ZNRF3: variants seen among roughly 807,000 people sequenced by gnomAD.
ZNRF3 encodes E3 ubiquitin-protein ligase ZNRF3.
Under a neutral mutation model 72.5 loss-of-function variants are expected in ZNRF3, and 23 were observed. That is an observed-to-expected ratio of 0.32 (90% CI 0.23 to 0.45). The LOEUF is 0.45. ZNRF3 is among the 20% of genes least tolerant of loss of function. The pLI, the probability that ZNRF3 is intolerant of heterozygous loss-of-function variation, is 1.00. For missense variants in ZNRF3, 1,169 were observed against 1,272.1 expected, an observed-to-expected ratio of 0.92 and a Z score of 1.23; for synonymous variants, 610 against 545.3, an observed-to-expected ratio of 1.12 and a Z score of -1.65.
chr22:29,021,839 T>G (rs2036547124), intron 2 of ZNRF3, among the ~76,000 whole-genome samples: 1 of 152,116 alleles, frequency 6.6e-6, no homozygotes, highest in African/African-American at 2.4e-5. Context: ...CAGCACATAT[T>G]TAAAGTGCAC....
At chr22:28,968,716 A>G (rs555636386) in intron 1 of ZNRF3, among the ~76,000 whole-genome samples, 6 of 152,346 alleles carry the variant, frequency 3.9e-5, no homozygotes, top group East Asian at 1.9e-4. Context: ...TCTCCAAAAA[A>G]ATAAAGTCAT....
chr22:28,910,558 T>A (rs2034297125), intron 1 of ZNRF3, among the ~76,000 whole-genome samples: 1 of 152,198 alleles, frequency 6.6e-6, no homozygotes, highest in South Asian at 2.1e-4. Flanking sequence ...TAATGTCCTC[T>A]TATTTTCTGG....
rs1227179722 is a variant in ZNRF3 at position 29,046,745 on chromosome 22, T to G, written c.774T>G (p.Ala258=). The change falls in exon 6 of 9, where the codon GCT becomes GCG. Residue 258 remains alanine, a synonymous_variant. Transcript: ENST00000544604. Reference sequence around the variant, plus strand: ...CCATGAACAGGCTGGCTGTGCAGGCTCTAGAGAAGATGGAAACCAGAAAGT... The same window carrying G: ...CCATGAACAGGCTGGCTGTGCAGGCGCTAGAGAAGATGGAAACCAGAAAGT... ...QNSMNRLAVQ[A]LEKMETRKFN... 10 of 1,610,950 alleles carry G rather than the reference T, an allele frequency of 6.2e-6. No individual in the cohort carries two copies. The South Asian group carries it at 1.1e-4, about 18-fold the overall frequency.
intron 1 of ZNRF3, among the ~76,000 whole-genome samples, chr22:28,975,703 C>T (rs1040255422): frequency 1.3e-5 from 2 of 152,134 alleles, no homozygotes; most frequent in East Asian, 1.9e-4. Flanking sequence ...CACCACTGCA[C>T]TCTAGCCTGG....
chr22:28,965,005 A>C (rs2035433342), intron 1 of ZNRF3, among the ~76,000 whole-genome samples: 1 of 151,980 alleles, frequency 6.6e-6, no homozygotes, highest in African/African-American at 2.4e-5. Context: ...GGTGTGCCCA[A>C]CTCTCACCTC....
At chr22:28,980,599 A>G (rs967169682) in intron 1 of ZNRF3, among the ~76,000 whole-genome samples, 1 of 152,230 alleles carries the variant, frequency 6.6e-6, no homozygotes, top group African/African-American at 2.4e-5. Context: ...CAGTTGACTT[A>G]AGCAAGATGT....
chr22:29,050,670 C>G lies in ZNRF3; in HGVS notation c.2489C>G (p.Pro830Arg), dbSNP rs1005949498. 20 of 1,612,360 alleles carry G rather than the reference C, an allele frequency of 1.2e-5. No homozygotes were observed. In the Admixed American group the frequency reaches 2.0e-4, roughly 16 times the overall value. The change falls in exon 8 of 9, where the codon CCC (proline) becomes CGC (arginine). Residue 830 changes from proline (P) to arginine (R), a missense_variant. Around this residue, in one of 2 missense-constraint regions of ZNRF3, gnomAD observed 783 missense variants for 731.4 expected, o/e 1.07. Coordinates refer to ENST00000544604, the MANE Select transcript of ZNRF3 (RefSeq NM_001206998.2). ...PGARDLSQRI[P>R]IIPEDVDCDL... ...GCCCGGGACCTGAGCCAGCGCATCC[C>G]CATCATTCCAGAGGATGTGGACTGT...
At chr22:28,910,095 G>GC in intron 1 of ZNRF3, among the ~76,000 whole-genome samples, 1 of 151,586 alleles carries the variant, frequency 6.6e-6, no homozygotes, top group South Asian at 2.1e-4. Context: ...AGATGCAGTG[G>GC]TGCAATCTCA....
intron 1 of ZNRF3, among the ~76,000 whole-genome samples, chr22:28,906,026 C>A (rs2034200831): frequency 6.6e-6 from 1 of 152,156 alleles, no homozygotes; most frequent in African/African-American, 2.4e-5. Flanking sequence ...CCTCTTAGAG[C>A]TAAAAAAGCC....
At chr22:28,884,111 T>C in intron 1 of ZNRF3, 45 bp downstream of exon 1, 3 of 1,120,034 alleles carry the variant, frequency 2.7e-6, no homozygotes, top group Non-Finnish European at 3.3e-6. Context: ...CGCCACAAGA[T>C]GGCTCCGGGG....
chr22:28,988,939 C>T (rs1320636280), intron 2 of ZNRF3, among the ~76,000 whole-genome samples: 3 of 152,154 alleles, frequency 2.0e-5, no homozygotes, highest in South Asian at 2.1e-4. Flanking sequence ...TGAAGTCACT[C>T]AGAGAACCCA....
At chr22:28,941,121 G>C (rs2123787387) in intron 1 of ZNRF3, among the ~76,000 whole-genome samples, 1 of 152,278 alleles carries the variant, frequency 6.6e-6, no homozygotes, top group East Asian at 1.9e-4. Context: ...GAGTAGGGTA[G>C]GGGACTTGGA....
chr22:28,925,532 C>T (rs2034585123), intron 1 of ZNRF3, among the ~76,000 whole-genome samples: 1 of 152,118 alleles, frequency 6.6e-6, no homozygotes, highest in Admixed American at 6.6e-5. Flanking sequence ...AACTACAAAC[C>T]AGGTTTCCCC....
At chr22:29,031,594 G>A (rs1437872396) in intron 2 of ZNRF3, 61 of 985,562 alleles carry the variant, frequency 6.2e-5, no homozygotes, top group Non-Finnish European at 7.3e-5. Flanking sequence ...TCACTACTAA[G>A]TGAAGAACTC....
intron 1 of ZNRF3, among the ~76,000 whole-genome samples, chr22:28,898,261 T>C (rs1320539461): frequency 6.6e-6 from 1 of 152,244 alleles, no homozygotes; most frequent in Non-Finnish European, 1.5e-5. Context: ...ACTTGTTTTT[T>C]TGAGGGAGAA....
chr22:28,997,275 A>G (rs1251516907), intron 2 of ZNRF3, among the ~76,000 whole-genome samples: 1 of 151,950 alleles, frequency 6.6e-6, no homozygotes, highest in Non-Finnish European at 1.5e-5. Flanking sequence ...CGCTGCAACT[A>G]TTTGGGACTG....
intron 2 of ZNRF3, among the ~76,000 whole-genome samples, chr22:29,014,096 G>T (rs1427286398): frequency 6.6e-6 from 1 of 152,044 alleles, no homozygotes; most frequent in Non-Finnish European, 1.5e-5. Context: ...CATCTGTCCT[G>T]GTCGTTTCTG....
chr22:29,012,190 A>C (rs1171601550), intron 2 of ZNRF3, among the ~76,000 whole-genome samples: 1 of 152,238 alleles, frequency 6.6e-6, no homozygotes, highest in African/African-American at 2.4e-5. Flanking sequence ...TGTGAACAAA[A>C]TGCAAAGCAG....
At chr22:28,943,978 T>C (rs1003128514) in intron 1 of ZNRF3, among the ~76,000 whole-genome samples, 1 of 151,736 alleles carries the variant, frequency 6.6e-6, no homozygotes, top group Non-Finnish European at 1.5e-5. Flanking sequence ...GACAAGGACA[T>C]TGTGGGACAG....
Sources: allele counts gnomAD v4.1 joint callset (sites outside exome capture counted in the v4.1 genomes callset), GRCh38; gene constraint gnomAD v4.1.1; regional missense constraint gnomAD v4.1.1; transcripts MANE v1.5; gene names NCBI Gene and HGNC (gene_info 2026-07-23, HGNC 2026-07-21).